ZNF345: variants seen among roughly 807,000 people sequenced by gnomAD.
The protein encoded by ZNF345 is zinc finger protein HZF10.
For missense variants in ZNF345, 527 were observed against 589.9 expected, an observed-to-expected ratio of 0.89 and a Z score of 1.10; for synonymous variants, 166 against 187.9, an observed-to-expected ratio of 0.88 and a Z score of 0.95.
At chr19:36,892,160 G>T (rs2073061079) in intron 3 of ZNF345, 2 of 1,613,992 alleles carry the variant, frequency 1.2e-6, no homozygotes. Flanking sequence ...CATTCATAGG[G>T]TTTTTTACCA....
chr19:36,877,320 C>G lies in ZNF345; in HGVS notation c.490C>G (p.His164Asp). Residue 164 changes from histidine (H) to aspartate (D), a missense_variant, in exon 3 of 3, where the codon CAT becomes GAT. Physicochemically the swap from His to Asp is moderately conservative, Grantham distance 81. Coordinates refer to ENST00000420450, the MANE Select transcript of ZNF345 (RefSeq NM_001242472.2). ...TAGTTTTGGATCAGGCCTTATTCGA[C>G]ATCAGATCATTCACAGTGGTGAGAA... is the stretch of plus-strand genomic sequence containing the variant. Reference protein sequence around the residue: ...AFSFGSGLIRHQIIHSGEKPY... With the variant: ...AFSFGSGLIRDQIIHSGEKPY... The G allele has an allele frequency of 1.9e-6, 3 of 1,614,006 alleles. No homozygotes were observed. Among genetic ancestry groups the G allele is most frequent in the Non-Finnish European group, 1.7e-6 (2 of 1,179,990 alleles).
chr19:36,869,764 C>CTTTTT (rs370081401), intron 2 of ZNF345, among the ~76,000 whole-genome samples: 1 of 139,644 alleles, frequency 7.2e-6, no homozygotes, highest in African/African-American at 2.6e-5. Context: ...GATCATTTAG[C>CTTTTT]TTTTTTTTTT....
intron 3 of ZNF345, among the ~76,000 whole-genome samples, chr19:36,886,973 G>T (rs1472942803): frequency 7.2e-6 from 1 of 138,942 alleles, no homozygotes; most frequent in African/African-American, 2.8e-5. Context: ...CAGCTTGGGC[G>T]AAAGAGTGAG....
intron 2 of ZNF345, among the ~76,000 whole-genome samples, chr19:36,855,299 C>A (rs1476851411): frequency 6.6e-6 from 1 of 150,460 alleles, no homozygotes; most frequent in Non-Finnish European, 1.5e-5. Context: ...CCCGCCACCA[C>A]GCCCAGCTAA....
chr19:36,864,488 G>T (rs1321557180), intron 2 of ZNF345, among the ~76,000 whole-genome samples: 3 of 151,958 alleles, frequency 2.0e-5, no homozygotes, highest in Non-Finnish European at 2.9e-5. Context: ...GTACCTGGGT[G>T]ACTCCAGCCT....
chr19:36,892,725 A>T, intron 3 of ZNF345: 1 of 565,274 alleles, frequency 1.8e-6, no homozygotes, highest in Non-Finnish European at 3.0e-6. Context: ...GAGTCACCTT[A>T]AGCCTTGGTG....
chr19:36,892,310 A>G (rs1243708303), intron 3 of ZNF345: 15 of 1,613,836 alleles, frequency 9.3e-6, no homozygotes, highest in Non-Finnish European at 1.3e-5. Context: ...GTCTTTCCAC[A>G]TATCTTACAT....
At chr19:36,892,798 T>G in intron 3 of ZNF345, 2 of 605,608 alleles carry the variant, frequency 3.3e-6, no homozygotes, top group Admixed American at 4.2e-5. Flanking sequence ...AAAAAAAAAT[T>G]TTTTTTGCCC....
downstream of ZNF345, among the ~76,000 whole-genome samples, chr19:36,881,225 A>T (rs1260535345): frequency 6.6e-6 from 1 of 152,224 alleles, no homozygotes. Context: ...TGAGCTCAAC[A>T]TTATGCTCAA....
At chr19:36,879,931 A>G (rs2072958492), downstream of ZNF345, among the ~76,000 whole-genome samples, 1 of 152,222 alleles carries the variant, frequency 6.6e-6, no homozygotes, top group Non-Finnish European at 1.5e-5. Flanking sequence ...AAAAACTTTT[A>G]GCCATGATCC....
intron 2 of ZNF345, among the ~76,000 whole-genome samples, chr19:36,874,429 G>GA: frequency 6.6e-6 from 1 of 151,628 alleles, no homozygotes; most frequent in Admixed American, 6.6e-5. Context: ...GGGAGGCAGA[G>GA]GTTGCAGTGA....
At chr19:36,887,682 C>T (rs974116072) in intron 3 of ZNF345, among the ~76,000 whole-genome samples, 2 of 152,140 alleles carry the variant, frequency 1.3e-5, no homozygotes, top group South Asian at 2.1e-4. Flanking sequence ...AAGGAACACA[C>T]GTAGAGCCCA....
intron 2 of ZNF345, among the ~76,000 whole-genome samples, chr19:36,869,062 C>T (rs560912290): frequency 6.6e-6 from 1 of 152,222 alleles, no homozygotes; most frequent in South Asian, 2.1e-4. Context: ...TACTGCAATT[C>T]AGTTCTGGTA....
In ZNF345 at chr19:36,879,189, G is replaced by A. The variant is rs2072950194; in HGVS notation, c.*892G>A. The A allele has an allele frequency of 6.0e-6, 1 of 166,862 alleles. No individual in the cohort carries two copies. Among genetic ancestry groups the A allele is most frequent in the Admixed American group, 6.6e-5 (1 of 15,250 alleles). The allele number at this position is 166,862 out of a possible 1,614,324, so 10.3% of individuals were successfully genotyped here. ...TGTATCTATGTCTCATCCTGTTTAT[G>A]GTCAATAACTGTTACTTTTAAGTAT... On this transcript the variant is annotated 3_prime_UTR_variant, in exon 3 of 3. Transcript: ENST00000420450.
downstream of ZNF345, among the ~76,000 whole-genome samples, chr19:36,881,080 TAGC>T (rs1480049633): frequency 3.3e-5 from 5 of 152,154 alleles, no homozygotes; most frequent in African/African-American, 1.2e-4. Flanking sequence ...ACAAAAATAG[TAGC>T]AGTTCTCATA....
intron 2 of ZNF345, among the ~76,000 whole-genome samples, chr19:36,852,431 G>C (rs956609727): frequency 6.6e-6 from 1 of 151,732 alleles, no homozygotes; most frequent in South Asian, 2.1e-4. Context: ...GCCAACATGA[G>C]GAAACCCCGT....
intron 3 of ZNF345, chr19:36,888,383 G>A (rs1467712471): frequency 6.6e-6 from 1 of 151,836 alleles, no homozygotes; most frequent in Non-Finnish European, 1.5e-5. Context: ...TCCTTGCCCT[G>A]ATGATATCTG....
intron 2 of ZNF345, among the ~76,000 whole-genome samples, chr19:36,858,753 A>G (rs1240905981): frequency 1.3e-5 from 2 of 152,284 alleles, no homozygotes; most frequent in African/African-American, 4.8e-5. Flanking sequence ...GCGACAGAGT[A>G]AGATGCTGTC....
intron 2 of ZNF345, among the ~76,000 whole-genome samples, chr19:36,873,102 T>TTTATTATTTAC (rs1456563605): frequency 6.6e-6 from 1 of 152,170 alleles, no homozygotes; most frequent in Non-Finnish European, 1.5e-5. Context: ...ATTATTTACT[T>TTTATTATTTAC]TTGAATGATT....
Sources: gnomAD v4.1 joint callset for allele counts (sites outside exome capture counted in the v4.1 genomes callset) on GRCh38, gnomAD v4.1.1 for gene constraint, MANE v1.5 for transcripts, NCBI Gene and HGNC (gene_info 2026-07-23, HGNC 2026-07-21) for gene names.